CCDC93: variants seen among roughly 807,000 people sequenced by gnomAD.
CCDC93 encodes CCC complex scaffolding subunit CCDC93, also known as coiled-coil domain-containing protein 93.
Under a neutral mutation model 108.2 loss-of-function variants are expected in CCDC93, and 61 were observed. The observed-to-expected ratio is 0.56, with a 90% confidence interval of 0.46 to 0.70. CCDC93 has a LOEUF of 0.70. Among genes scored for constraint, CCDC93 ranks in the 30% least tolerant of loss-of-function variants. The probability of loss-of-function intolerance (pLI) is 0.00; values close to 1 mark genes in which losing one functional copy is unlikely to be tolerated. For synonymous variants in CCDC93, 276 were observed against 260.4 expected, an observed-to-expected ratio of 1.06 and a Z score of -0.58; for missense variants, 685 against 764.2, an observed-to-expected ratio of 0.90 and a Z score of 1.22.
intron 22 of CCDC93, among the ~76,000 whole-genome samples, chr2:117,932,545 C>T (rs1360603520): frequency 6.6e-6 from 1 of 152,184 alleles, no homozygotes; most frequent in Non-Finnish European, 1.5e-5. Context: ...AGACCCTGTG[C>T]CCTGCTCTTT....
At chr2:117,989,045 A>C (rs1991101) in intron 6 of CCDC93, among the ~76,000 whole-genome samples, 148,130 of 152,312 alleles carry the variant, frequency 0.97, 72,170 homozygotes, top group Middle Eastern at 1. Flanking sequence ...AAGACTGACA[A>C]CTATTGGCTC....
chr2:117,982,031 C>T (rs1680140683), intron 7 of CCDC93, among the ~76,000 whole-genome samples: 1 of 152,106 alleles, frequency 6.6e-6, no homozygotes, highest in Non-Finnish European at 1.5e-5. Flanking sequence ...ATGTCATAGG[C>T]CTTATCATCA....
chr2:117,997,626 T>C (rs1680695928), intron 4 of CCDC93: 1 of 152,202 alleles, frequency 6.6e-6, no homozygotes, highest in Admixed American at 6.5e-5. Flanking sequence ...CTGAGGAATA[T>C]TCCTTGCTGT....
chr2:117,935,439 C>T (rs1263393458), intron 22 of CCDC93, 56 bp downstream of exon 22: 2 of 1,351,546 alleles, frequency 1.5e-6, no homozygotes, highest in African/African-American at 2.9e-5. Flanking sequence ...TTCCCAGGAC[C>T]TTCCCTGTCA....
At chr2:117,950,760 T>C (rs1021939861) in intron 13 of CCDC93, 30 of 985,336 alleles carry the variant, frequency 3.0e-5, no homozygotes, top group Non-Finnish European at 3.4e-5. Context: ...TACTAGGTTT[T>C]ATACAGCTTC....
In CCDC93 at chr2:118,006,949, AGTGT is replaced by A. The variant is rs79848681; in HGVS notation, c.157-137_157-134del. The A allele has an allele frequency of 1.1e-4, 64 of 573,556 alleles. No homozygotes were observed. The East Asian group carries it at 1.9e-3, about 17-fold the overall frequency. The allele number at this position is 573,556 out of a possible 1,614,324, so 35.5% of individuals were successfully genotyped here. A position where few individuals can be genotyped will look rare whatever the true frequency, so the allele number is the denominator to read the frequency against. Reference sequence around the variant, plus strand: ...CAAAATTATATATCTTGAGAGAGAGAGTGTGTGTCCTCCTTACCCCATCAAGTAC... The same window carrying A: ...CAAAATTATATATCTTGAGAGAGAGAGTGTCCTCCTTACCCCATCAAGTAC... On this transcript the variant is annotated intron_variant, in intron 2 of 23. Transcript: ENST00000376300.
At position 117,996,288 on chromosome 2, in the gene CCDC93, G is replaced by C; in HGVS notation, c.438C>G (p.Phe146Leu). 1 of 1,612,560 alleles carries C rather than the reference G, an allele frequency of 6.2e-7. No individual in the cohort carries two copies. Among genetic ancestry groups the C allele is most frequent in the Non-Finnish European group, 8.5e-7 (1 of 1,178,644 alleles). ...CCTCAGGGAGACTGTAAGTCTTCTGGAACTGGGATACAGAGTAGGAGCGGA... is the reference window on the plus strand; with the variant it reads ...CCTCAGGGAGACTGTAAGTCTTCTGCAACTGGGATACAGAGTAGGAGCGGA... ...DYIRSYSVSQ[F>L]QKTYSLPEDD... The change falls in exon 5 of 24, where the codon TTC becomes TTG. Residue 146 changes from phenylalanine (F) to leucine (L), a missense_variant. By Grantham distance (22) the Phe-to-Leu change is conservative. Coordinates refer to ENST00000376300, the MANE Select transcript of CCDC93 (RefSeq NM_019044.5).
intron 11 of CCDC93, among the ~76,000 whole-genome samples, chr2:117,962,349 T>C (rs1679423556): frequency 6.6e-6 from 1 of 152,276 alleles, no homozygotes; most frequent in African/African-American, 2.4e-5. Context: ...GACTGACCAA[T>C]TAAGGACAAG....
At chr2:117,936,632 T>C (rs1678533649) in intron 21 of CCDC93, 70 bp downstream of exon 21, 1 of 1,187,774 alleles carries the variant, frequency 8.4e-7, no homozygotes, top group Non-Finnish European at 1.3e-6. Flanking sequence ...ATTATAGCAA[T>C]GTGAGGTGGG....
chr2:117,950,069 T>C lies in CCDC93; in HGVS notation c.1069-674A>G, dbSNP rs996690674. 1.8e-5 allele frequency: 18 copies of C among 985,068 alleles called. No individual in the cohort carries two copies. The African/African-American group carries it at 2.8e-4, about 15-fold the overall frequency. 61.0% of individuals were successfully genotyped at this position (985,068 alleles called of 1,614,324 possible). On this transcript the variant is annotated intron_variant, in intron 13 of 23. Coordinates refer to ENST00000376300, the MANE Select transcript of CCDC93 (RefSeq NM_019044.5). ...GGTGATACCCAGCAGAAATGGGGAG[T>C]TCCCCGACCCAGAACATCAGTTACT...
At chr2:118,004,658 G>A (rs1676815574) in intron 3 of CCDC93, among the ~76,000 whole-genome samples, 1 of 152,210 alleles carries the variant, frequency 6.6e-6, no homozygotes. Flanking sequence ...TCAGTACCCT[G>A]TGGCTGTAAC....
intron 12 of CCDC93, among the ~76,000 whole-genome samples, chr2:117,958,147 C>A (rs1333471673): frequency 6.6e-6 from 1 of 152,180 alleles, no homozygotes; most frequent in Non-Finnish European, 1.5e-5. Context: ...GTCTTATGGT[C>A]TTCTGCAACT....
chr2:117,920,777 T>TAAA (rs2104693406), intron 23 of CCDC93, among the ~76,000 whole-genome samples: 1 of 152,140 alleles, frequency 6.6e-6, no homozygotes, highest in Non-Finnish European at 1.5e-5. Flanking sequence ...TAAAAAGAGA[T>TAAA]AAAAGGGAGC....
At chr2:117,944,930 A>T (rs1678819607) in intron 17 of CCDC93, 2 of 403,818 alleles carry the variant, frequency 5.0e-6, no homozygotes, top group Admixed American at 2.7e-5. Flanking sequence ...TGCGGAGAGC[A>T]CTGGTTTAAC....
intron 12 of CCDC93, among the ~76,000 whole-genome samples, chr2:117,957,426 T>G (rs1366697165): frequency 1.3e-5 from 2 of 152,178 alleles, no homozygotes; most frequent in African/African-American, 4.8e-5. Context: ...TGATCAAGTT[T>G]CCTCCATTTC....
chr2:117,950,414 C>T, intron 13 of CCDC93: 4 of 985,426 alleles, frequency 4.1e-6, no homozygotes, highest in Non-Finnish European at 3.6e-6. Context: ...GCTGAAGTTA[C>T]AAAGCAGCCA....
At chr2:117,952,050 G>C (rs1329676327) in intron 13 of CCDC93, among the ~76,000 whole-genome samples, 1 of 151,976 alleles carries the variant, frequency 6.6e-6, no homozygotes, top group Non-Finnish European at 1.5e-5. Context: ...GCTATTTACT[G>C]AGTGACACTG....
At chr2:118,013,809 G>C in intron 1 of CCDC93, 145 bp downstream of exon 1, 1 of 688,368 alleles carries the variant, frequency 1.5e-6, no homozygotes, top group Non-Finnish European at 2.3e-6. Context: ...CCAAGAAGAG[G>C]GTCGGCGCTT....
rs770401792 is a variant in CCDC93 at position 117,941,285 on chromosome 2, G to A, written c.1426C>T (p.Arg476Ter). ...TTGCGGTGCAAAATTGCTATTTCTC[G>A]ATTTCTTCGAGCCTAAATGCAAAAG... ...KIRLLQARRN[R>*]EIAILHRKID... is the part of the protein sequence containing the mutation. The change falls in exon 19 of 24, where the codon CGA becomes TGA. Residue 476 changes from arginine to a stop codon, truncating the protein, a stop_gained. Coordinates refer to ENST00000376300, the MANE Select transcript of CCDC93 (RefSeq NM_019044.5). LOFTEE classifies it high-confidence loss of function. 4.3e-6 allele frequency: 7 copies of A among 1,613,384 alleles called. No individual in the cohort carries two copies. Among genetic ancestry groups the A allele is most frequent in the Admixed American group, 1.7e-5 (1 of 60,008 alleles).
Sources: gnomAD v4.1 joint callset for allele counts (sites outside exome capture counted in the v4.1 genomes callset) on GRCh38, gnomAD v4.1.1 for gene constraint, MANE v1.5 for transcripts, NCBI Gene and HGNC (gene_info 2026-07-23, HGNC 2026-07-21) for gene names.